CFAP91: variants seen among roughly 807,000 people sequenced by gnomAD.
The protein encoded by CFAP91 is cilia and flagella associated protein 91, also known as cilia- and flagella-associated protein 91.
In CFAP91, 85 loss-of-function variants were observed where a neutral mutation model predicts 95.9. The ratio of observed to expected loss-of-function variants is 0.89; its 90% CI spans 0.74 to 1.06. The LOEUF (loss-of-function observed/expected upper bound fraction) is 1.06, where lower values mean the gene tolerates loss of function less well. Ranked by LOEUF, CFAP91 falls within the 50% of genes least tolerant of loss-of-function variation. CFAP91 has a pLI of 0.00. For synonymous variants in CFAP91, 335 were observed against 327.5 expected (o/e 1.02, Z -0.25); for missense variants, 962 against 943.4 (o/e 1.02, Z -0.26).
At chr3:119,733,580 C>T (rs1307448099) in intron 10 of CFAP91, 74 bp downstream of exon 10, 7 of 1,471,026 alleles carry the variant, frequency 4.8e-6, no homozygotes, top group Admixed American at 1.8e-5. Flanking sequence ...CCAAAAATTG[C>T]AGCAATGTCC....
intron 7 of CFAP91, among the ~76,000 whole-genome samples, chr3:119,728,663 A>G (rs899165137): frequency 6.6e-6 from 1 of 151,992 alleles, no homozygotes; most frequent in African/African-American, 2.4e-5. Flanking sequence ...AAGTGCATTC[A>G]CTCTGAGAAA....
At chr3:119,747,406 C>T in intron 15 of CFAP91, 143 bp downstream of exon 15, 1 of 902,520 alleles carries the variant, frequency 1.1e-6, no homozygotes, top group Non-Finnish European at 1.6e-6. Context: ...AACATTAACT[C>T]TTGAGAAGCC....
At chr3:119,706,511 A>T in intron 1 of CFAP91, 1 of 277,580 alleles carries the variant, frequency 3.6e-6, no homozygotes, top group Non-Finnish European at 6.8e-6. Flanking sequence ...CATAGGAGAG[A>T]AGAAAGTGTG....
chr3:119,761,643 T>A (rs2054539529), intron 17 of CFAP91, among the ~76,000 whole-genome samples: 2 of 151,816 alleles, frequency 1.3e-5, no homozygotes, highest in African/African-American at 4.8e-5. Context: ...TTCACTATGA[T>A]CAAGTGGGAT....
chr3:119,728,576 G>C (rs1337672714), intron 7 of CFAP91, among the ~76,000 whole-genome samples: 1 of 152,144 alleles, frequency 6.6e-6, no homozygotes, highest in Non-Finnish European at 1.5e-5. Flanking sequence ...AAAGAGAAAG[G>C]TGACTGGGGT....
chr3:119,742,762 G>A (rs1194022068), intron 13 of CFAP91, among the ~76,000 whole-genome samples: 1 of 152,160 alleles, frequency 6.6e-6, no homozygotes, highest in Non-Finnish European at 1.5e-5. Context: ...AGGCAGGTGA[G>A]GATGAAGATG....
chr3:119,709,331 A>C (rs2053432700), intron 4 of CFAP91, among the ~76,000 whole-genome samples: 1 of 152,212 alleles, frequency 6.6e-6, no homozygotes, highest in Non-Finnish European at 1.5e-5. Flanking sequence ...CTCCTTATGG[A>C]AATTTTGTGA....
At chr3:119,720,156 A>T (rs2053654168) in intron 6 of CFAP91, among the ~76,000 whole-genome samples, 1 of 151,636 alleles carries the variant, frequency 6.6e-6, no homozygotes. Context: ...TGGGAGGCTG[A>T]GGCAGGTGGA....
chr3:119,730,609 T>A (rs1467712928), intron 8 of CFAP91, among the ~76,000 whole-genome samples: 1 of 76,312 alleles, frequency 1.3e-5, no homozygotes, highest in African/African-American at 6.2e-5. Context: ...ATAGTGTGTG[T>A]GTGTGTGTGT....
At chr3:119,740,869 G>GTA (rs1193781223) in intron 13 of CFAP91, 174 bp downstream of exon 13, 1 of 751,464 alleles carries the variant, frequency 1.3e-6, no homozygotes, top group Admixed American at 2.4e-5. Flanking sequence ...GTGTGTGTGT[G>GTA]TGTGTGATGG....
intron 6 of CFAP91, among the ~76,000 whole-genome samples, chr3:119,721,554 G>A (rs2053684385): frequency 6.6e-6 from 1 of 152,216 alleles, no homozygotes; most frequent in South Asian, 2.1e-4. Context: ...ATGTAATAAT[G>A]ATAGGAAGTG....
chr3:119,751,005 G>T lies in CFAP91; in HGVS notation c.2212G>T (p.Val738Phe). 1 of 1,613,912 alleles carries T rather than the reference G, an allele frequency of 6.2e-7. No homozygotes were observed. Among genetic ancestry groups the T allele is most frequent in the South Asian group, 1.1e-5 (1 of 91,068 alleles). Reference protein sequence around the residue: ...QIIHSYTESMVQKKLTEGEQD... With the variant: ...QIIHSYTESMFQKKLTEGEQD... ...CATCCACAGTTACACGGAAAGCATG[G>T]TTCAAAAGAAATTAACTGAGGGAGA... Residue 738 changes from valine (V) to phenylalanine (F), a missense_variant, in exon 17 of 18, where the codon GTT becomes TTT. Coordinates refer to ENST00000273390, the MANE Select transcript of CFAP91 (RefSeq NM_033364.4).
intron 5 of CFAP91, among the ~76,000 whole-genome samples, chr3:119,710,603 A>C (rs1387073284): frequency 6.6e-6 from 1 of 152,246 alleles, no homozygotes; most frequent in East Asian, 1.9e-4. Flanking sequence ...GTAGTTTAAA[A>C]AAGTTGAAAA....
At chr3:119,754,444 T>C (rs1291891978) in intron 17 of CFAP91, among the ~76,000 whole-genome samples, 1 of 152,190 alleles carries the variant, frequency 6.6e-6, no homozygotes, top group Non-Finnish European at 1.5e-5. Flanking sequence ...CCTATTTATA[T>C]TGGAAAAAAC....
intron 9 of CFAP91, 46 bp downstream of exon 9, chr3:119,732,522 C>A: frequency 8.1e-7 from 1 of 1,240,344 alleles, no homozygotes; most frequent in Non-Finnish European, 1.1e-6. Flanking sequence ...AAGGTTGTCT[C>A]AGAAATATGA....
chr3:119,715,565 A>C lies in CFAP91; in HGVS notation c.504A>C (p.Ala168=). The C allele has an allele frequency of 6.2e-7, 1 of 1,613,934 alleles. No individual in the cohort carries two copies. The highest frequency in any genetic ancestry group is 8.5e-7 in the Non-Finnish European group (1 of 1,179,848). Reference sequence around the variant, plus strand: ...TAAACTGATTTTTCTCTTTTAGGGCAGAACCATACACTTTTCCTCCTACTT... The same window carrying C: ...TAAACTGATTTTTCTCTTTTAGGGCCGAACCATACACTTTTCCTCCTACTT... ...PFNVVYAVSK[A]EPYTFPPTST... The change falls in exon 6 of 18, where the codon GCA becomes GCC. Residue 168 remains alanine (A), a synonymous_variant. Transcript: ENST00000273390.
intron 17 of CFAP91, among the ~76,000 whole-genome samples, chr3:119,762,774 A>G (rs1416947631): frequency 6.6e-6 from 1 of 152,098 alleles, no homozygotes; most frequent in Admixed American, 6.6e-5. Flanking sequence ...TACATACAGA[A>G]GAATGAAATT....
chr3:119,751,862 C>G (rs9875512), intron 17 of CFAP91, among the ~76,000 whole-genome samples: 1 of 152,142 alleles, frequency 6.6e-6, no homozygotes, highest in Non-Finnish European at 1.5e-5. Flanking sequence ...AGGGTCCCCA[C>G]CATGGATTTG....
At chr3:119,723,184 C>G (rs1342178090) in intron 6 of CFAP91, among the ~76,000 whole-genome samples, 1 of 152,146 alleles carries the variant, frequency 6.6e-6, no homozygotes, top group Non-Finnish European at 1.5e-5. Context: ...CTGCAAAAAG[C>G]AGCTGAGATT....
Sources: gnomAD v4.1 joint callset for allele counts (sites outside exome capture counted in the v4.1 genomes callset) on GRCh38, gnomAD v4.1.1 for gene constraint, MANE v1.5 for transcripts, NCBI Gene and HGNC (gene_info 2026-07-23, HGNC 2026-07-21) for gene names.